The following NECAB1 variants were observed in gnomAD, a reference collection of about 807,000 sequenced individuals.
The protein encoded by NECAB1 is N-terminal EF-hand calcium binding protein 1.
Under a neutral mutation model 57.5 loss-of-function variants are expected in NECAB1, and 29 were observed. The ratio of observed to expected loss-of-function variants is 0.50; its 90% CI spans 0.38 to 0.69. The LOEUF (loss-of-function observed/expected upper bound fraction) is 0.69. Ranked by LOEUF, NECAB1 falls within the 30% of genes least tolerant of loss-of-function variation. The pLI, the probability that NECAB1 is intolerant of heterozygous loss-of-function variation, is 0.00. For synonymous variants in NECAB1, 142 were observed against 147.7 expected (o/e 0.96, Z 0.28); for missense variants, 372 against 413.8 (o/e 0.90, Z 0.88).
chr8:90,928,120 C>A (rs1331114452), intron 7 of NECAB1, 103 bp from the exon 8 acceptor site: 10 of 852,568 alleles, frequency 1.2e-5, no homozygotes, highest in Middle Eastern at 2.2e-4. Context: ...GTCAGTGACA[C>A]TGCATCTTTC....
intron 5 of NECAB1, among the ~76,000 whole-genome samples, chr8:90,901,917 G>A (rs1262601438): frequency 5.9e-5 from 9 of 152,122 alleles, no homozygotes; most frequent in Admixed American, 5.9e-4. Flanking sequence ...GTGTGTGTGT[G>A]TGTGTTAATG....
At position 90,852,568 on chromosome 8, in the gene NECAB1, C is replaced by T. The variant is rs182633184; in HGVS notation, c.234-19560C>T. 4.6e-5 allele frequency among the ~76,000 whole-genome samples: 7 copies of T among 152,212 alleles called. No homozygotes were observed. In the East Asian group the frequency reaches 1.4e-3, roughly 29 times the overall value. On this transcript the variant is annotated intron_variant, in intron 3 of 12. Transcript: ENST00000417640. ...ATTCAAATGTTGCCTTTTCCTAAAC[C>T]ACCCATGGCCCACCCTGCCCTCCAT...
intron 1 of NECAB1, among the ~76,000 whole-genome samples, chr8:90,797,254 T>TA (rs1811677708): frequency 6.6e-6 from 1 of 152,134 alleles, no homozygotes. Context: ...ATCAATTTAG[T>TA]AAAAAAGGAG....
intron 6 of NECAB1, among the ~76,000 whole-genome samples, chr8:90,919,110 C>A (rs957370805): frequency 6.6e-6 from 1 of 152,128 alleles, no homozygotes; most frequent in Non-Finnish European, 1.5e-5. Context: ...AATAAAGGCA[C>A]TAATGCTTAA....
chr8:90,846,469 A>G (rs368463862), intron 3 of NECAB1, among the ~76,000 whole-genome samples: 8 of 152,370 alleles, frequency 5.3e-5, no homozygotes, highest in African/African-American at 1.9e-4. Flanking sequence ...CTGTTTAGAT[A>G]AAACTGCAAT....
chr8:90,891,203 A>C (rs918024784), intron 5 of NECAB1, among the ~76,000 whole-genome samples: 6 of 152,214 alleles, frequency 3.9e-5, no homozygotes, highest in African/African-American at 7.2e-5. Context: ...TGACAGGCAA[A>C]TTGGCTGAGA....
chr8:90,844,889 A>G (rs1402251512), intron 3 of NECAB1, among the ~76,000 whole-genome samples: 1 of 152,230 alleles, frequency 6.6e-6, no homozygotes, highest in Non-Finnish European at 1.5e-5. Context: ...GAGAAACAGA[A>G]ACAATAGGAT....
intron 5 of NECAB1, among the ~76,000 whole-genome samples, chr8:90,903,449 G>C (rs533702091): frequency 6.6e-6 from 1 of 152,066 alleles, no homozygotes; most frequent in South Asian, 2.1e-4. Flanking sequence ...TATAATAAAA[G>C]TCAGTAGAGT....
At position 90,918,457 on chromosome 8, in the gene NECAB1, C is replaced by G. The variant is rs528995356; in HGVS notation, c.494+829C>G. 7.9e-5 allele frequency among the ~76,000 whole-genome samples: 12 copies of G among 152,140 alleles called. No individual in the cohort carries two copies. In the South Asian group the frequency reaches 1.7e-3, roughly 21 times the overall value. On this transcript the variant is annotated intron_variant, in intron 6 of 12. Coordinates refer to ENST00000417640, the MANE Select transcript of NECAB1 (RefSeq NM_022351.5). ...ATAAGACATGAACACAAAAACTATA[C>G]TGCAAAGAACAAAGTGATAATAAAT...
At chr8:90,853,529 TC>T (rs1192530423) in intron 3 of NECAB1, among the ~76,000 whole-genome samples, 1 of 152,232 alleles carries the variant, frequency 6.6e-6, no homozygotes, top group Non-Finnish European at 1.5e-5. Context: ...CTTGTTTTTT[TC>T]ATTTATAGCA....
intron 5 of NECAB1, among the ~76,000 whole-genome samples, chr8:90,912,296 G>A (rs544930269): frequency 7.2e-5 from 11 of 152,268 alleles, no homozygotes; most frequent in African/African-American, 2.6e-4. Context: ...ATATGAGACA[G>A]AACAATAGGA....
rs2130288770 is a variant in NECAB1 at position 90,956,601 on chromosome 8, C to T, written c.*1089C>T. The T allele has an allele frequency of 6.6e-6, 1 of 151,666 alleles. No homozygotes were observed. The highest frequency in any genetic ancestry group is 1.5e-5 in the Non-Finnish European group (1 of 67,806). 9.4% of individuals were successfully genotyped at this position (151,666 alleles called of 1,614,324 possible). On this transcript the variant is annotated 3_prime_UTR_variant, in exon 13 of 13. Coordinates refer to ENST00000417640, the MANE Select transcript of NECAB1 (RefSeq NM_022351.5). ...ATAAAAATCTGTTCTGGTTATAAAC[C>T]TTGCTAATGAAAATACAATACATAT... is the stretch of plus-strand genomic sequence containing the variant.
In NECAB1 at chr8:90,949,895, A is replaced by G. The variant is rs1222673480; in HGVS notation, c.938+11A>G. 5 of 1,550,788 alleles carry G rather than the reference A, an allele frequency of 3.2e-6. No homozygotes were observed. Among genetic ancestry groups the G allele is most frequent in the Non-Finnish European group, 4.4e-6 (5 of 1,133,872 alleles). Reference sequence around the variant, plus strand: ...TAGTGTATGGAATAGGTAAGTTGTGAGCAAGCCTGATTTTATGTGAAGCCA... The same window carrying G: ...TAGTGTATGGAATAGGTAAGTTGTGGGCAAGCCTGATTTTATGTGAAGCCA... On this transcript the variant is annotated intron_variant, in intron 11 of 12. Coordinates refer to ENST00000417640, the MANE Select transcript of NECAB1 (RefSeq NM_022351.5).
rs1294839030 is a variant in NECAB1, at chr8:90,922,310, T to C, written c.495-3225T>C. Among the ~76,000 whole-genome samples, 7 of 152,120 alleles carry C rather than the reference T, an allele frequency of 4.6e-5. No homozygotes were observed. The East Asian group carries it at 1.3e-3, about 29-fold the overall frequency. On this transcript the variant is annotated intron_variant, in intron 6 of 12. Transcript: ENST00000417640. ...GGAACGTAATTAATTCCTTCTTGAC[T>C]TGAAAGTTATTTTTCTCCTTTTGAT...
chr8:90,875,487 C>CAAAAAAAAAAAA (rs35777818), intron 4 of NECAB1, among the ~76,000 whole-genome samples: 4 of 41,478 alleles, frequency 9.6e-5, no homozygotes, highest in African/African-American at 4.3e-4. Context: ...GACTCCGTCT[C>CAAAAAAAAAAAA]AAAAAAAAAA....
intron 2 of NECAB1, among the ~76,000 whole-genome samples, chr8:90,821,636 C>T (rs563508693): frequency 6.6e-6 from 1 of 151,868 alleles, no homozygotes; most frequent in East Asian, 1.9e-4. Flanking sequence ...GCCACTTCTT[C>T]TGGGAAACCT....
intron 4 of NECAB1, among the ~76,000 whole-genome samples, chr8:90,875,472 A>T (rs1808701383): frequency 8.3e-6 from 1 of 120,448 alleles, no homozygotes; most frequent in Non-Finnish European, 1.6e-5. Context: ...TGGGCGACAG[A>T]GCGAGACTCC....
At chr8:90,828,559 T>TA (rs1382850033) in intron 3 of NECAB1, among the ~76,000 whole-genome samples, 2 of 152,058 alleles carry the variant, frequency 1.3e-5, no homozygotes, top group Non-Finnish European at 2.9e-5. Flanking sequence ...TCCTAATCTA[T>TA]ATATCCTGAA....
intron 3 of NECAB1, among the ~76,000 whole-genome samples, chr8:90,834,511 C>G (rs1047791380): frequency 6.6e-6 from 1 of 152,040 alleles, no homozygotes; most frequent in Non-Finnish European, 1.5e-5. Context: ...AAAGTGCCAT[C>G]GATGAGTAAC....
Sources: gnomAD v4.1 joint callset for allele counts (sites outside exome capture counted in the v4.1 genomes callset) on GRCh38, gnomAD v4.1.1 for gene constraint, MANE v1.5 for transcripts, NCBI Gene and HGNC (gene_info 2026-07-23, HGNC 2026-07-21) for gene names.